TMEM163: variants seen among roughly 807,000 people sequenced by gnomAD.
The protein encoded by TMEM163 is transmembrane protein 163.
Under a neutral mutation model 29.3 loss-of-function variants are expected in TMEM163, and 17 were observed. The observed-to-expected ratio is 0.58, with a 90% CI of 0.40 to 0.87. The LOEUF (loss-of-function observed/expected upper bound fraction) is 0.87, where lower values mean the gene tolerates loss of function less well. Ranked by LOEUF, TMEM163 falls within the 40% of genes least tolerant of loss-of-function variation. The pLI is 0.00. For missense variants in TMEM163, 303 were observed against 381.5 expected (o/e 0.79, Z 1.71); for synonymous variants, 157 against 160.6 (o/e 0.98, Z 0.17).
At position 134,649,478 on chromosome 2, in the gene TMEM163, A is replaced by C. The variant is rs187302066; in HGVS notation, c.322+63722T>G. Among the ~76,000 whole-genome samples, 418 of 152,338 alleles carry C rather than the reference A, an allele frequency of 2.7e-3. 2 individuals carry two copies. Among genetic ancestry groups the C allele is most frequent in the African/African-American group, 9.1e-3 (379 of 41,586 alleles). ...GAAGCACTCTCTATAGTAGAGAAAA[A>C]GAGACATTTAAGAGCATAACAATCT... On this transcript the variant is annotated intron_variant, in intron 2 of 7. Coordinates refer to ENST00000281924, the MANE Select transcript of TMEM163 (RefSeq NM_030923.5).
intron 4 of TMEM163, among the ~76,000 whole-genome samples, chr2:134,507,680 C>G (rs1173353708): frequency 1.3e-5 from 2 of 151,942 alleles, no homozygotes; most frequent in Non-Finnish European, 2.9e-5. Context: ...TTAGGCAACA[C>G]AGAGACCCCA....
chr2:134,488,363 A>G (rs1233291417), intron 5 of TMEM163, among the ~76,000 whole-genome samples: 2 of 152,226 alleles, frequency 1.3e-5, no homozygotes, highest in Admixed American at 1.3e-4. Context: ...AGAATAAAGC[A>G]GGCAGAAGAA....
At chr2:134,600,507 A>G (rs1212303050) in intron 2 of TMEM163, among the ~76,000 whole-genome samples, 1 of 152,226 alleles carries the variant, frequency 6.6e-6, no homozygotes, top group Non-Finnish European at 1.5e-5. Flanking sequence ...CTTAGCTAAT[A>G]GCCTGATTCC....
chr2:134,629,066 T>C (rs1682914225), intron 2 of TMEM163, among the ~76,000 whole-genome samples: 1 of 152,230 alleles, frequency 6.6e-6, no homozygotes, highest in Non-Finnish European at 1.5e-5. Flanking sequence ...TGAGCATTCA[T>C]GATGCGCCAG....
At chr2:134,687,048 T>C (rs913775419) in intron 2 of TMEM163, among the ~76,000 whole-genome samples, 3 of 152,176 alleles carry the variant, frequency 2.0e-5, no homozygotes, top group Non-Finnish European at 4.4e-5. Flanking sequence ...GCAAACTGCC[T>C]TTTGCTCTGG....
rs1477446700 is a variant in TMEM163, at chr2:134,546,608, C to T, written c.458+3962G>A. ...GCAGTGAGCCAAGATTGTGCCACTG[C>T]ACTCCAGCCTGGGTGACAGAGCCAG... On this transcript the variant is annotated intron_variant, in intron 4 of 7. Coordinates refer to ENST00000281924, the MANE Select transcript of TMEM163 (RefSeq NM_030923.5). Among the ~76,000 whole-genome samples, 3 of 149,938 alleles carry T rather than the reference C, an allele frequency of 2.0e-5. No homozygotes were observed. In the South Asian group the frequency reaches 6.3e-4, roughly 32 times the overall value.
chr2:134,516,770 C>A (rs1207495864), intron 4 of TMEM163, among the ~76,000 whole-genome samples: 12 of 45,866 alleles, frequency 2.6e-4, no homozygotes, highest in Admixed American at 1.3e-3. Flanking sequence ...TATATATGTG[C>A]ATATCTATTC....
At chr2:134,536,187 A>T (rs1206881530) in intron 4 of TMEM163, among the ~76,000 whole-genome samples, 1 of 152,092 alleles carries the variant, frequency 6.6e-6, no homozygotes, top group Non-Finnish European at 1.5e-5. Flanking sequence ...AAATGGAAGC[A>T]AAGGGTACTA....
At chr2:134,692,078 G>A (rs1163096351) in intron 2 of TMEM163, among the ~76,000 whole-genome samples, 1 of 152,150 alleles carries the variant, frequency 6.6e-6, no homozygotes, top group African/African-American at 2.4e-5. Context: ...GACACAGGGA[G>A]AAGTAGAGAG....
At chr2:134,685,294 C>A (rs1186926278) in intron 2 of TMEM163, among the ~76,000 whole-genome samples, 1 of 152,210 alleles carries the variant, frequency 6.6e-6, no homozygotes, top group African/African-American at 2.4e-5. Flanking sequence ...CCACCACTCA[C>A]AATTCTCTTG....
intron 2 of TMEM163, among the ~76,000 whole-genome samples, chr2:134,674,502 C>T (rs979449954): frequency 6.6e-4 from 56 of 84,894 alleles, no homozygotes; most frequent in East Asian, 4.6e-4. Context: ...CGCGCGCGCG[C>T]GCGCGCGCTA....
At chr2:134,691,932 G>C (rs1325443791) in intron 2 of TMEM163, among the ~76,000 whole-genome samples, 1 of 152,186 alleles carries the variant, frequency 6.6e-6, no homozygotes, top group Non-Finnish European at 1.5e-5. Flanking sequence ...ATAGGATTGA[G>C]GCAGGGGCTG....
At chr2:134,670,589 G>A (rs894054794) in intron 2 of TMEM163, among the ~76,000 whole-genome samples, 8 of 152,236 alleles carry the variant, frequency 5.3e-5, no homozygotes, top group Non-Finnish European at 7.3e-5. Flanking sequence ...CACTGGTGAC[G>A]TTCATCAAAT....
intron 2 of TMEM163, among the ~76,000 whole-genome samples, chr2:134,581,929 C>T (rs1574255255): frequency 6.6e-6 from 1 of 152,298 alleles, no homozygotes; most frequent in Non-Finnish European, 1.5e-5. Context: ...ATATTGAAGA[C>T]TTTGTCCTTC....
At chr2:134,543,342 C>A (rs1327725092) in intron 4 of TMEM163, among the ~76,000 whole-genome samples, 2 of 152,244 alleles carry the variant, frequency 1.3e-5, no homozygotes, top group East Asian at 3.8e-4. Context: ...TAACTCTCAT[C>A]AGCCATCGAG....
intron 2 of TMEM163, among the ~76,000 whole-genome samples, chr2:134,615,274 T>C (rs1244351499): frequency 1.3e-5 from 2 of 152,194 alleles, no homozygotes; most frequent in East Asian, 3.8e-4. Flanking sequence ...TCTGCTAAAA[T>C]AGAAGCAAGA....
At chr2:134,617,377 G>A (rs556821424) in intron 2 of TMEM163, among the ~76,000 whole-genome samples, 15 of 152,162 alleles carry the variant, frequency 9.9e-5, no homozygotes, top group Admixed American at 5.2e-4. Flanking sequence ...TTCGGAGGCC[G>A]AGGCGGGCAG....
rs115880020 is a variant in TMEM163 at position 134,661,235 on chromosome 2, C to T, written c.322+51965G>A. 2.8e-3 allele frequency among the ~76,000 whole-genome samples: 424 copies of T among 152,190 alleles called. 3 individuals carry two copies. Among genetic ancestry groups the T allele is most frequent in the African/African-American group, 9.4e-3 (389 of 41,512 alleles). ...TGATGCCTTCTGTCACTTGAGTATG[C>T]AGCAAGAGGTCCTTCGCCAGATGCT... is the stretch of plus-strand genomic sequence containing the variant. On this transcript the variant is annotated intron_variant, in intron 2 of 7. Transcript: ENST00000281924.
chr2:134,507,562 C>T (rs1679851779), intron 4 of TMEM163, among the ~76,000 whole-genome samples: 2 of 152,176 alleles, frequency 1.3e-5, no homozygotes, highest in South Asian at 4.2e-4. Flanking sequence ...GATGTACGCT[C>T]AAGTTTAAGA....
Sources: allele counts gnomAD v4.1 joint callset (sites outside exome capture counted in the v4.1 genomes callset), GRCh38; gene constraint gnomAD v4.1.1; transcripts MANE v1.5; gene names NCBI Gene and HGNC (gene_info 2026-07-23, HGNC 2026-07-21).